AKAP12: variants seen among roughly 807,000 people sequenced by gnomAD.
AKAP12 encodes A-kinase anchor protein 12.
A neutral mutation model predicts 79.9 loss-of-function variants in AKAP12; 32 were observed. The observed-to-expected ratio is 0.40, with a 90% CI of 0.30 to 0.54. The LOEUF is 0.54. Ranked by LOEUF, AKAP12 falls within the 20% of genes least tolerant of loss-of-function variation. AKAP12 has a pLI of 0.48. For missense variants in AKAP12, 2,074 were observed against 2,177.0 expected (o/e 0.95, Z 0.94); for synonymous variants, 808 against 857.0 (o/e 0.94, Z 1.00).
intron 2 of AKAP12, among the ~76,000 whole-genome samples, chr6:151,281,630 G>T (rs1331145224): frequency 6.6e-6 from 1 of 152,070 alleles, no homozygotes; most frequent in Non-Finnish European, 1.5e-5. Context: ...TTGGAATTGG[G>T]GCATTCTATG....
chr6:151,305,429 G>C (rs975988908), intron 2 of AKAP12, among the ~76,000 whole-genome samples: 6 of 152,068 alleles, frequency 3.9e-5, no homozygotes, highest in African/African-American at 1.4e-4. Flanking sequence ...TCAAAGCTCT[G>C]GGAAACACAT....
chr6:151,258,013 A>G (rs753163332), intron 2 of AKAP12, among the ~76,000 whole-genome samples: 42 of 152,220 alleles, frequency 2.8e-4, no homozygotes, highest in Non-Finnish European at 5.7e-4. Context: ...ACTAATTTCT[A>G]TGGCACGTAA....
chr6:151,262,605 GAAGTTCAAAAACTTCAAGTTCAAACA>G (rs1797460188), intron 2 of AKAP12, among the ~76,000 whole-genome samples: 1 of 112,156 alleles, frequency 8.9e-6, no homozygotes, highest in Non-Finnish European at 1.8e-5. Flanking sequence ...TCAAACACTT[GAAGTTCAAAAACTTCAAGTTCAAACA>G]CTTCATTTGT....
chr6:151,326,034 TGA>T, intron 3 of AKAP12: 6 of 1,112,332 alleles, frequency 5.4e-6, no homozygotes, highest in Non-Finnish European at 7.9e-6. Flanking sequence ...CTCCGTGTAC[TGA>T]GTTTTTCTTC....
In AKAP12 at chr6:151,355,770, T is replaced by C. The variant is rs1483623220; in HGVS notation, c.*56T>C. 6.6e-6 allele frequency: 1 copy of C among 152,594 alleles called. No individual in the cohort carries two copies. Among genetic ancestry groups the C allele is most frequent in the Non-Finnish European group, 1.5e-5 (1 of 68,036 alleles). The allele number at this position is 152,594 out of a possible 1,614,324, so 9.5% of individuals were successfully genotyped here. On this transcript the variant is annotated 3_prime_UTR_variant, in exon 5 of 5. Coordinates refer to ENST00000402676, the MANE Select transcript of AKAP12 (RefSeq NM_005100.4). The stretch of plus-strand genomic sequence containing the variant: ...TGGAAGACCAGAATGTGAAGACAAG[T>C]AGTAGAAGAAAATGAATGCTGCTGC...
chr6:151,264,114 T>C (rs1200519172), intron 2 of AKAP12, among the ~76,000 whole-genome samples: 1 of 151,630 alleles, frequency 6.6e-6, no homozygotes, highest in Non-Finnish European at 1.5e-5. Context: ...GCAGAAGGGA[T>C]TGAATAAAAG....
In AKAP12 at chr6:151,351,025, TGAG is replaced by T; in HGVS notation, c.2636_2638del (p.Glu879del). On this transcript the variant is annotated inframe_deletion, in exon 4 of 5. Transcript: ENST00000402676. The surrounding 1 kb of genome is among the most constrained non-coding windows in gnomAD (Gnocchi z 4.4). The stretch of plus-strand genomic sequence containing the variant: ...AGCAGCCCGAGCAGAAGGCAGCCAC[TGAG>T]GTGTCCAAGGAGCTCAGCGAGAGTC... 1 of 1,614,042 alleles carries T rather than the reference TGAG, an allele frequency of 6.2e-7. No individual in the cohort carries two copies. The highest frequency in any genetic ancestry group is 8.5e-7 in the Non-Finnish European group (1 of 1,180,018).
chr6:151,305,980 A>G (rs1776970345), intron 3 of AKAP12, 77 bp downstream of exon 3: 3 of 1,448,364 alleles, frequency 2.1e-6, no homozygotes, highest in South Asian at 1.4e-5. Flanking sequence ...ATACTCTGTC[A>G]TACTGCCTGG....
At chr6:151,269,267 A>C (rs1003732180) in intron 2 of AKAP12, among the ~76,000 whole-genome samples, 3 of 151,602 alleles carry the variant, frequency 2.0e-5, no homozygotes, top group African/African-American at 7.3e-5. Context: ...TGTCAGTGGC[A>C]TTTTCAGTTT....
intron 2 of AKAP12, among the ~76,000 whole-genome samples, chr6:151,288,801 G>A (rs1434011271): frequency 6.6e-6 from 1 of 152,192 alleles, no homozygotes; most frequent in Non-Finnish European, 1.5e-5. Flanking sequence ...TTTTTCAGGT[G>A]TGCTTATTTG....
chr6:151,325,564 A>G, intron 3 of AKAP12: 1 of 1,278,140 alleles, frequency 7.8e-7, no homozygotes, highest in East Asian at 3.6e-5. Context: ...GCGCTCCCGA[A>G]GTCCTGGAGC....
intron 2 of AKAP12, among the ~76,000 whole-genome samples, chr6:151,266,972 G>A (rs73782761): frequency 0.02 from 2,666 of 134,690 alleles, 73 homozygotes; most frequent in African/African-American, 0.07. Flanking sequence ...AGCCGAGATC[G>A]CGCCACTGCA....
chr6:151,343,026 G>A (rs975902843), intron 3 of AKAP12, among the ~76,000 whole-genome samples: 4 of 152,192 alleles, frequency 2.6e-5, no homozygotes, highest in African/African-American at 7.2e-5. Flanking sequence ...GCCTCCCAAA[G>A]TGCTGGGATT....
Position 151,350,731 on chromosome 6 carries a change from C to G in AKAP12, c.2340C>G (p.Ser780Arg). 1 of 1,613,942 alleles carries G rather than the reference C, an allele frequency of 6.2e-7. No individual in the cohort carries two copies. Among genetic ancestry groups the G allele is most frequent in the Non-Finnish European group, 8.5e-7 (1 of 1,179,992 alleles). ...CAAAGTCCAAGCTGGAAGAGAAAAGCGAAGACTCCATAGCTGGGTCTGGTG... is the reference window on the plus strand; with the variant it reads ...CAAAGTCCAAGCTGGAAGAGAAAAGGGAAGACTCCATAGCTGGGTCTGGTG... The part of the protein sequence containing the change: ...KKSKSKLEEK[S>R]EDSIAGSGVE... The change falls in exon 4 of 5, where the codon AGC becomes AGG. Residue 780 changes from serine to arginine, a missense_variant. This residue lies in a region of AKAP12 where 1,428 missense variants were observed against 1,451.0 expected (regional missense o/e 0.98). Coordinates refer to ENST00000402676, the MANE Select transcript of AKAP12 (RefSeq NM_005100.4). This position sits in a 1 kb window ranked among gnomAD's most constrained non-coding sequence, Gnocchi z 4.8.
intron 2 of AKAP12, among the ~76,000 whole-genome samples, chr6:151,264,764 C>A (rs547864008): frequency 6.6e-6 from 1 of 151,900 alleles, no homozygotes; most frequent in Admixed American, 6.6e-5. Flanking sequence ...ATGTTTTTGA[C>A]AAAAATAAAT....
chr6:151,303,829 T>A (rs556599724), intron 2 of AKAP12, among the ~76,000 whole-genome samples: 2 of 152,360 alleles, frequency 1.3e-5, no homozygotes, highest in Admixed American at 1.3e-4. Flanking sequence ...ACATGGCACC[T>A]ATCTTTATAA....
chr6:151,268,893 C>T (rs1375272638), intron 2 of AKAP12, among the ~76,000 whole-genome samples: 9 of 148,670 alleles, frequency 6.1e-5, no homozygotes, highest in African/African-American at 2.2e-4. Flanking sequence ...ATCCACCCGC[C>T]TTGGCTTCCC....
intron 2 of AKAP12, among the ~76,000 whole-genome samples, chr6:151,300,408 A>T (rs923102456): frequency 2.6e-5 from 4 of 151,886 alleles, no homozygotes; most frequent in Non-Finnish European, 4.4e-5. Flanking sequence ...TCCAATGAGG[A>T]TGTAGATCTG....
chr6:151,247,641 T>C (rs1356246672), intron 2 of AKAP12, among the ~76,000 whole-genome samples: 2 of 152,296 alleles, frequency 1.3e-5, no homozygotes, highest in South Asian at 4.1e-4. Flanking sequence ...TAAAATCATT[T>C]AGTTGCCAGA....
Sources: allele counts gnomAD v4.1 joint callset (sites outside exome capture counted in the v4.1 genomes callset), GRCh38; gene constraint gnomAD v4.1.1; regional missense constraint gnomAD v4.1.1; non-coding constraint Gnocchi (gnomAD v3.1); transcripts MANE v1.5; gene names NCBI Gene and HGNC (gene_info 2026-07-23, HGNC 2026-07-21).